CD163L1: variants seen among roughly 807,000 people sequenced by gnomAD.
The protein encoded by CD163L1 is scavenger receptor cysteine-rich type 1 protein M160.
CD163L1 carries 124 observed loss-of-function variants against 165.4 expected under a neutral mutation model. That is an observed-to-expected ratio of 0.75 (90% CI 0.65 to 0.87). The LOEUF (loss-of-function observed/expected upper bound fraction) is 0.87, where lower values mean the gene tolerates loss of function less well. Among genes scored for constraint, CD163L1 ranks in the 40% least tolerant of loss-of-function variants. CD163L1 has a pLI of 0.00. For synonymous variants in CD163L1, 585 were observed against 662.2 expected, an observed-to-expected ratio of 0.88 and a Z score of 1.79; for missense variants, 1,525 against 1,799.9, an observed-to-expected ratio of 0.85 and a Z score of 2.76.
chr12:7,339,467 A>G, the CD163L1 span, among the ~76,000 whole-genome samples: 2 of 152,240 alleles, frequency 1.3e-5, no homozygotes, highest in Non-Finnish European at 2.9e-5. Flanking sequence ...ATAAAGATGG[A>G]CCATCTAGAA....
the CD163L1 span, among the ~76,000 whole-genome samples, chr12:7,326,703 T>C: frequency 6.6e-6 from 1 of 152,198 alleles, no homozygotes; most frequent in Non-Finnish European, 1.5e-5. Context: ...ATCAGTCTGA[T>C]TGAAATGTTA....
At chr12:7,343,423 G>C (rs1210447093), downstream of CD163L1, among the ~76,000 whole-genome samples, 1 of 152,182 alleles carries the variant, frequency 6.6e-6, no homozygotes, top group Admixed American at 6.5e-5. Flanking sequence ...AAAGAAAAGA[G>C]ATTTAATTAC....
rs765319286 is a variant in CD163L1, at chr12:7,367,261, C to T, written c.4254G>A (p.Glu1418=). The T allele has an allele frequency of 1.9e-6, 3 of 1,613,066 alleles. No individual in the cohort carries two copies. The highest frequency in any genetic ancestry group is 1.7e-5 in the Admixed American group (1 of 59,994). ...FHEMETCLKR[E]DPHGTRTSDD... is the part of the protein sequence containing the mutation. ...CTGAGGTTCTTGTCCCATGTGGGTC[C>T]TCTCTCTTGAGGCAGGTCTCCATCT... is the stretch of plus-strand genomic sequence containing the variant. The change falls in exon 18 of 20, where the codon GAG becomes GAA. Residue 1418 remains glutamate, a synonymous_variant. Coordinates refer to ENST00000313599, the MANE Select transcript of CD163L1 (RefSeq NM_174941.6).
Position 7,369,742 on chromosome 12 carries a change from AG to A in CD163L1, c.3731-78del, listed in dbSNP as rs1345685929. On this transcript the variant is annotated intron_variant, in intron 14 of 19. Transcript: ENST00000313599. The surrounding 1 kb of genome is among the most constrained non-coding windows in gnomAD (Gnocchi z 4.9). Reference sequence around the variant, plus strand: ...GAATGCTGAGGTAGAAAAACTTGAAAGTAGCAAATGTGCTTGATGAATATGG... The same window carrying A: ...GAATGCTGAGGTAGAAAAACTTGAAATAGCAAATGTGCTTGATGAATATGG... 5.3e-6 allele frequency: 7 copies of A among 1,321,018 alleles called. No homozygotes were observed. The highest frequency in any genetic ancestry group is 1.5e-5 in the African/African-American group (1 of 68,772). The allele number at this position is 1,321,018 out of a possible 1,614,324, so 81.8% of individuals were successfully genotyped here.
intron 2 of CD163L1, among the ~76,000 whole-genome samples, chr12:7,435,958 TTGATA>T (rs1189988239): frequency 6.6e-6 from 1 of 152,134 alleles, no homozygotes; most frequent in Non-Finnish European, 1.5e-5. Flanking sequence ...TAAATGCAGT[TTGATA>T]TGTTATAAAG....
intron 6 of CD163L1, among the ~76,000 whole-genome samples, chr12:7,401,964 A>G (rs1947923344): frequency 1.3e-5 from 2 of 152,118 alleles, no homozygotes; most frequent in Non-Finnish European, 2.9e-5. Context: ...AAGAATTGAT[A>G]GTTAACTTTG....
intron 18 of CD163L1, among the ~76,000 whole-genome samples, chr12:7,362,406 A>G (rs1457279174): frequency 7.3e-6 from 1 of 137,336 alleles, no homozygotes; most frequent in Non-Finnish European, 1.5e-5. Context: ...ATAGATAATT[A>G]TATAGTATGT....
rs777065849 is a variant in CD163L1, at chr12:7,430,110, C to T, written c.766+2306G>A. ...TTTAACACCTCAGATTTCAGTAAAG[C>T]CAATTCTAAAGACTTACATTAAGTG... On this transcript the variant is annotated intron_variant, in intron 4 of 19. Transcript: ENST00000313599. 2.0e-5 allele frequency among the ~76,000 whole-genome samples: 3 copies of T among 152,196 alleles called. No individual in the cohort carries two copies. In the East Asian group the frequency reaches 5.8e-4, roughly 29 times the overall value.
At chr12:7,389,933 ATAAT>A (rs1317366543) in intron 8 of CD163L1, among the ~76,000 whole-genome samples, 1 of 140,778 alleles carries the variant, frequency 7.1e-6, no homozygotes, top group Non-Finnish European at 1.5e-5. Context: ...GGATGAATGA[ATAAT>A]TAAACATTTT....
In CD163L1 at chr12:7,406,571, C is replaced by A. The variant is rs984036565; in HGVS notation, c.1048G>T (p.Asp350Tyr). The A allele has an allele frequency of 8.1e-6, 13 of 1,613,998 alleles. No homozygotes were observed. The highest frequency in any genetic ancestry group is 1.1e-5 in the Non-Finnish European group (13 of 1,179,970). Reference protein sequence around the residue: ...DCRHSGTVNFDCLHQNDVSVI... With the variant: ...DCRHSGTVNFYCLHQNDVSVI... ...GACACATCGTTTTGATGAAGACAGT[C>A]AAAATTGACGGTTCCGGAATGTCTG... The change falls in exon 5 of 20, where the codon GAC (aspartate) becomes TAC (tyrosine). Residue 350 changes from aspartate (D) to tyrosine (Y), a missense_variant. By Grantham distance (160) the Asp-to-Tyr change is radical (BLOSUM62 -3). Transcript: ENST00000313599.
At position 7,398,435 on chromosome 12, in the gene CD163L1, C is replaced by G; in HGVS notation, c.1558G>C (p.Gly520Arg). The part of the protein sequence containing the change: ...AAVVCKQLGC[G>R]KPLHVFGMTY... ...ATACCAAACACATGCAAAGGCTTTC[C>G]ACATCCCAATTGTTTACAAACAACA... The change falls in exon 7 of 20, where the codon GGA (glycine) becomes CGA (arginine). Residue 520 changes from glycine to arginine, a missense_variant. By Grantham distance (125) the Gly-to-Arg change is moderately radical (BLOSUM62 -2). Transcript: ENST00000313599. This position sits in a 1 kb window ranked among gnomAD's most constrained non-coding sequence, Gnocchi z 4.5. 2.5e-6 allele frequency: 4 copies of G among 1,614,108 alleles called. No individual in the cohort carries two copies. Among genetic ancestry groups the G allele is most frequent in the Non-Finnish European group, 3.4e-6 (4 of 1,179,996 alleles).
chr12:7,406,505 A>G (rs753270397), intron 5 of CD163L1, 27 bp downstream of exon 5: 5 of 1,597,848 alleles, frequency 3.1e-6, no homozygotes, highest in Admixed American at 3.7e-5. Flanking sequence ...ATTTTATCTG[A>G]TGTAATCATG....
intron 4 of CD163L1, among the ~76,000 whole-genome samples, chr12:7,409,997 C>T (rs994746167): frequency 4.6e-5 from 7 of 151,386 alleles, no homozygotes; most frequent in South Asian, 4.2e-4. Context: ...AATATATGTA[C>T]GACAAAATAA....
chr12:7,441,272 A>G (rs1191568210), intron 1 of CD163L1, 26 bp from the exon 2 acceptor site: 2 of 1,534,326 alleles, frequency 1.3e-6, no homozygotes, highest in Admixed American at 3.4e-5. Context: ...ATAGCAGGGT[A>G]GAATTTCATG....
At position 7,369,578 on chromosome 12, in the gene CD163L1, T is replaced by A. The variant is rs1321152742; in HGVS notation, c.3818A>T (p.Asp1273Val). Residue 1273 changes from aspartate to valine, a missense_variant, in exon 15 of 20, where the codon GAC becomes GTC. Transcript: ENST00000313599. This position sits in a 1 kb window ranked among gnomAD's most constrained non-coding sequence, Gnocchi z 4.9. ...TTCCGCCTCGGCCAGGTCCCAGGAG[T>A]CATCACACACTGTGCCCCAGGAGCC... ...HAGSWGTVCD[D>V]SWDLAEAEVV... 1.2e-6 allele frequency: 2 copies of A among 1,613,728 alleles called. No homozygotes were observed. Among genetic ancestry groups the A allele is most frequent in the Non-Finnish European group, 1.7e-6 (2 of 1,179,934 alleles).
chr12:7,437,656 G>A (rs1591974584), intron 2 of CD163L1, among the ~76,000 whole-genome samples: 1 of 150,222 alleles, frequency 6.7e-6, no homozygotes, highest in African/African-American at 2.5e-5. Context: ...CCCTACAAAG[G>A]GCATGAACTC....
the CD163L1 span, chr12:7,327,041 T>A: frequency 6.2e-6 from 10 of 1,612,296 alleles, no homozygotes; most frequent in Admixed American, 8.4e-5. Context: ...AATTAACTCT[T>A]GAACTTCAGG....
chr12:7,443,273 T>C (rs1009084888), intron 1 of CD163L1, among the ~76,000 whole-genome samples: 1 of 152,230 alleles, frequency 6.6e-6, no homozygotes, highest in African/African-American at 2.4e-5. Flanking sequence ...TTGTAGTAAT[T>C]GCACTGAGGA....
the CD163L1 span, among the ~76,000 whole-genome samples, chr12:7,337,078 C>T: frequency 1.3e-5 from 2 of 152,142 alleles, no homozygotes; most frequent in African/African-American, 4.8e-5. Flanking sequence ...GGAAAGGATT[C>T]ACTATTTAAT....
Sources: gnomAD v4.1 joint callset for allele counts (sites outside exome capture counted in the v4.1 genomes callset) on GRCh38, gnomAD v4.1.1 for gene constraint, Gnocchi (gnomAD v3.1) non-coding constraint, MANE v1.5 for transcripts, NCBI Gene and HGNC (gene_info 2026-07-23, HGNC 2026-07-21) for gene names.